Variants in LSM3 observed in about 807,000 individuals in gnomAD.
LSM3 encodes the protein U6 snRNA-associated Sm-like protein LSm3.
LSM3 carries 14 observed loss-of-function variants against 15.4 expected under a neutral mutation model. The ratio of observed to expected loss-of-function variants is 0.91; its 90% CI spans 0.60 to 1.42. The LOEUF is 1.42. LSM3 is among the 40% of genes most tolerant of loss of function. The pLI is 0.00. For synonymous variants in LSM3, 46 were observed against 45.1 expected (o/e 1.02, Z -0.08); for missense variants, 88 against 127.9 (o/e 0.69, Z 1.50).
intron 3 of LSM3, among the ~76,000 whole-genome samples, chr3:14,191,419 T>C (rs1358726910): frequency 6.6e-6 from 1 of 152,210 alleles, no homozygotes; most frequent in Non-Finnish European, 1.5e-5. Flanking sequence ...GTCCTGGACT[T>C]TTTTTGGTTG....
Position 14,190,992 on chromosome 3 carries a change from A to AT in LSM3, c.228+6961dup, listed in dbSNP as rs1272504232. 7.0e-4 allele frequency among the ~76,000 whole-genome samples: 107 copies of AT among 152,270 alleles called. 1 individual carries two copies. In the South Asian group the frequency reaches 0.02, roughly 29 times the overall value. ...ACCTAGTTTATTGAGAGTTTTTAGC[A>AT]TGAAGGGGTGTTGAATTTTATCGAA... On this transcript the variant is annotated intron_variant, in intron 3 of 3. Transcript: ENST00000306024.
intron 1 of LSM3, among the ~76,000 whole-genome samples, chr3:14,180,664 T>C (rs1164392533): frequency 6.6e-6 from 1 of 151,962 alleles, no homozygotes; most frequent in Non-Finnish European, 1.5e-5. Flanking sequence ...AGTTTAATCC[T>C]CATAAGAACC....
At chr3:14,178,902 T>C in intron 1 of LSM3, 21 bp downstream of exon 1, 1 of 1,613,070 alleles carries the variant, frequency 6.2e-7, no homozygotes. Context: ...TTTAAGGAGG[T>C]CGCTCGAAGG....
At chr3:14,181,896 T>C (rs893073924) in intron 2 of LSM3, among the ~76,000 whole-genome samples, 18 of 152,246 alleles carry the variant, frequency 1.2e-4, no homozygotes, top group African/African-American at 3.9e-4. Flanking sequence ...CCTTCATTTT[T>C]CCCTTCTGTT....
intron 3 of LSM3, among the ~76,000 whole-genome samples, chr3:14,185,167 A>G (rs1198880935): frequency 3.9e-5 from 6 of 152,102 alleles, no homozygotes; most frequent in Admixed American, 2.6e-4. Flanking sequence ...CCTGGCCAAC[A>G]TGGCAAAACC....
At position 14,199,186 on chromosome 3, in the gene LSM3, A is replaced by C. The variant is rs1314130170; in HGVS notation, c.*1070A>C. On this transcript the variant is annotated 3_prime_UTR_variant, in exon 4 of 4. Transcript: ENST00000306024. ...CTTGGATCATTGGCCATTAATGATGAGGGGTCTCAAACAACATGTCTCAGT... is the reference window on the plus strand; with the variant it reads ...CTTGGATCATTGGCCATTAATGATGCGGGGTCTCAAACAACATGTCTCAGT... 1 of 152,216 alleles carries C rather than the reference A, an allele frequency of 6.6e-6. No individual in the cohort carries two copies. Among genetic ancestry groups the C allele is most frequent in the Non-Finnish European group, 1.5e-5 (1 of 68,052 alleles). 9.4% of individuals were successfully genotyped at this position (152,216 alleles called of 1,614,324 possible).
chr3:14,185,779 C>G (rs539499187), intron 3 of LSM3, among the ~76,000 whole-genome samples: 36 of 152,302 alleles, frequency 2.4e-4, no homozygotes, highest in African/African-American at 7.9e-4. Flanking sequence ...GGATCTCTTA[C>G]TCATGCATGA....
chr3:14,182,046 A>C (rs1460148498), intron 2 of LSM3, among the ~76,000 whole-genome samples: 1 of 152,174 alleles, frequency 6.6e-6, no homozygotes, highest in East Asian at 1.9e-4. Flanking sequence ...TTCTACTGGT[A>C]ATCACTACTA....
At chr3:14,189,369 A>G (rs1697118471) in intron 3 of LSM3, among the ~76,000 whole-genome samples, 1 of 152,202 alleles carries the variant, frequency 6.6e-6, no homozygotes, top group Admixed American at 6.5e-5. Flanking sequence ...ATCCTTGAGG[A>G]ATCACCACAC....
chr3:14,180,863 A>T (rs1697031193), intron 1 of LSM3, among the ~76,000 whole-genome samples: 6 of 129,124 alleles, frequency 4.6e-5, no homozygotes, highest in African/African-American at 1.5e-4. Context: ...TTTTTAAAAA[A>T]AAAAAAGACA....
intron 3 of LSM3, 57 bp from the exon 4 acceptor site, chr3:14,197,979 A>G: frequency 1.4e-6 from 2 of 1,396,812 alleles, no homozygotes. Context: ...TCTGTCACAA[A>G]CAATAAGCAG....
At chr3:14,190,370 T>C (rs1272691762) in intron 3 of LSM3, among the ~76,000 whole-genome samples, 2 of 152,216 alleles carry the variant, frequency 1.3e-5, no homozygotes, top group Non-Finnish European at 2.9e-5. Context: ...ATTAAATCTA[T>C]AAATTACTTT....
rs1559393905 is a variant in LSM3 at position 14,198,017 on chromosome 3, G to T, written c.229-19G>T. On this transcript the variant is annotated intron_variant, in intron 3 of 3. Coordinates refer to ENST00000306024, the MANE Select transcript of LSM3 (RefSeq NM_014463.3). ...ATACACAGTTGTACAAATATGTTCT[G>T]TTTTTTTTTCTCTTCTAGTCAACGA... 4 of 1,538,534 alleles carry T rather than the reference G, an allele frequency of 2.6e-6. No individual in the cohort carries two copies. Among genetic ancestry groups the T allele is most frequent in the East Asian group, 2.3e-5 (1 of 43,824 alleles).
chr3:14,185,766 A>T (rs1697082802), intron 3 of LSM3, among the ~76,000 whole-genome samples: 1 of 152,136 alleles, frequency 6.6e-6, no homozygotes, highest in Admixed American at 6.5e-5. Flanking sequence ...TTGCACCTCA[A>T]ATGGATCTCT....
At position 14,200,951 on chromosome 3, in the gene LSM3, A is replaced by G. The variant is rs1227745873; in HGVS notation, c.*2835A>G. On this transcript the variant is annotated 3_prime_UTR_variant, in exon 4 of 4. Coordinates refer to ENST00000306024, the MANE Select transcript of LSM3 (RefSeq NM_014463.3). Reference sequence around the variant, plus strand: ...GTTCGAGATCAGCCTGAGCAACATAACAAGACCCTGTCTCAAATAATACTT... The same window carrying G: ...GTTCGAGATCAGCCTGAGCAACATAGCAAGACCCTGTCTCAAATAATACTT... The G allele has an allele frequency of 6.6e-6, 1 of 152,230 alleles. No homozygotes were observed. The highest frequency in any genetic ancestry group is 1.5e-5 in the Non-Finnish European group (1 of 68,052). The allele number at this position is 152,230 out of a possible 1,614,324, so 9.4% of individuals were successfully genotyped here. A position where few individuals can be genotyped will look rare whatever the true frequency, so the allele number is the denominator to read the frequency against.
intron 3 of LSM3, among the ~76,000 whole-genome samples, chr3:14,192,739 T>A (rs1697152008): frequency 6.6e-6 from 1 of 152,216 alleles, no homozygotes; most frequent in South Asian, 2.1e-4. Flanking sequence ...AGTTTGCCAG[T>A]CTGTTTCTTT....
At chr3:14,191,775 A>G (rs142461156) in intron 3 of LSM3, among the ~76,000 whole-genome samples, 2,015 of 150,832 alleles carry the variant, frequency 0.013, 24 homozygotes, top group Middle Eastern at 0.042. Flanking sequence ...TCGTGTCTCT[A>G]TCTCCTTCAG....
In LSM3 at chr3:14,196,054, G is replaced by A. The variant is rs183960621; in HGVS notation, c.229-1982G>A. Among the ~76,000 whole-genome samples the A allele has an allele frequency of 5.3e-4, 80 of 150,988 alleles. 1 individual carries two copies. Among genetic ancestry groups the A allele is most frequent in the Admixed American group, 2.6e-3 (40 of 15,120 alleles). Reference sequence around the variant, plus strand: ...TGCAAGCTCCGCCTCCCAGGTTCACGCCATTCTCCTGCCTCAGCCTCCCAA... The same window carrying A: ...TGCAAGCTCCGCCTCCCAGGTTCACACCATTCTCCTGCCTCAGCCTCCCAA... On this transcript the variant is annotated intron_variant, in intron 3 of 3. Transcript: ENST00000306024.
intron 1 of LSM3, among the ~76,000 whole-genome samples, chr3:14,180,821 CTTTTTTTTT>C (rs1164090236): frequency 1.1e-4 from 5 of 46,768 alleles, no homozygotes; most frequent in South Asian, 7.6e-4. Flanking sequence ...GCTTGCTTGC[CTTTTTTTTT>C]TTTTTTTTTT....
Sources: allele counts gnomAD v4.1 joint callset (sites outside exome capture counted in the v4.1 genomes callset), GRCh38; gene constraint gnomAD v4.1.1; transcripts MANE v1.5; gene names NCBI Gene and HGNC (gene_info 2026-07-23, HGNC 2026-07-21).